The following PDE1C variants were observed in gnomAD, a reference collection of about 807,000 sequenced individuals.
PDE1C encodes phosphodiesterase 1C.
A neutral mutation model predicts 93.1 loss-of-function variants in PDE1C; 62 were observed. That is an observed-to-expected ratio of 0.67 (90% confidence interval 0.54 to 0.82). The LOEUF is 0.82. Among genes scored for constraint, PDE1C ranks in the 40% least tolerant of loss-of-function variants. The pLI is 0.00. For missense variants in PDE1C, 742 were observed against 884.6 expected (o/e 0.84, Z 2.04); for synonymous variants, 325 against 310.1 (o/e 1.05, Z -0.50).
chr7:32,037,734 A>T (rs1791297190), intron 2 of PDE1C, among the ~76,000 whole-genome samples: 1 of 152,110 alleles, frequency 6.6e-6, no homozygotes. Context: ...TATCTCTCCA[A>T]TTATGTCATT....
At chr7:32,346,515 G>A (rs1235932785) in intron 1 of PDE1C, among the ~76,000 whole-genome samples, 1 of 152,168 alleles carries the variant, frequency 6.6e-6, no homozygotes, top group Admixed American at 6.5e-5. Flanking sequence ...TGCCTGTAAG[G>A]GTCTACACTC....
At chr7:31,679,754 C>A in the PDE1C span, among the ~76,000 whole-genome samples, 141 of 152,300 alleles carry the variant, frequency 9.3e-4, 1 homozygote, top group African/African-American at 3.3e-3. Flanking sequence ...TAGCTGGCAT[C>A]AATTCCCTCG....
chr7:31,671,154 C>A, the PDE1C span, among the ~76,000 whole-genome samples: 1 of 152,172 alleles, frequency 6.6e-6, no homozygotes, highest in African/African-American at 2.4e-5. Flanking sequence ...CAAAAGGCTG[C>A]CACACTGACC....
At chr7:32,317,674 A>C (rs1427266954) in intron 1 of PDE1C, among the ~76,000 whole-genome samples, 1 of 152,146 alleles carries the variant, frequency 6.6e-6, no homozygotes, top group Non-Finnish European at 1.5e-5. Context: ...AACGCAGTAA[A>C]ATATTGACAT....
chr7:32,082,259 G>C (rs913000114), intron 3 of PDE1C, among the ~76,000 whole-genome samples: 1 of 152,250 alleles, frequency 6.6e-6, no homozygotes, highest in Non-Finnish European at 1.5e-5. Context: ...CTCGCTGATT[G>C]CTAGCACAGC....
the PDE1C span, among the ~76,000 whole-genome samples, chr7:31,626,643 A>ACC: frequency 6.6e-6 from 1 of 152,182 alleles, no homozygotes; most frequent in East Asian, 1.9e-4. Context: ...TGTCGGTGAC[A>ACC]CCATGCTGTA....
chr7:31,890,043 C>T (rs1446671304), intron 2 of PDE1C, among the ~76,000 whole-genome samples: 1 of 152,068 alleles, frequency 6.6e-6, no homozygotes, highest in African/African-American at 2.4e-5. Flanking sequence ...TGAAGGTAAA[C>T]ATTCTCTCTC....
chr7:32,398,387 T>A (rs1379519911), intron 1 of PDE1C, among the ~76,000 whole-genome samples: 2 of 151,554 alleles, frequency 1.3e-5, no homozygotes, highest in African/African-American at 2.4e-5. Context: ...TGGTAGGAAC[T>A]GTGATTTTTT....
At chr7:32,205,425 T>C (rs951806060) in intron 2 of PDE1C, among the ~76,000 whole-genome samples, 7 of 152,206 alleles carry the variant, frequency 4.6e-5, no homozygotes, top group Non-Finnish European at 1.0e-4. Context: ...CAATCAGTGC[T>C]CTGTGTCTGG....
At chr7:32,157,758 GGATA>G (rs1801670404) in intron 3 of PDE1C, among the ~76,000 whole-genome samples, 1 of 152,146 alleles carries the variant, frequency 6.6e-6, no homozygotes, top group African/African-American at 2.4e-5. Flanking sequence ...GGGGAAAAAT[GGATA>G]GATAGATGAT....
chr7:31,670,682 T>G, the PDE1C span, among the ~76,000 whole-genome samples: 4 of 152,144 alleles, frequency 2.6e-5, no homozygotes, highest in Non-Finnish European at 5.9e-5. Context: ...GGCAGGCAAA[T>G]TCTGGGCAGA....
At chr7:31,664,038 C>T in the PDE1C span, among the ~76,000 whole-genome samples, 1 of 152,126 alleles carries the variant, frequency 6.6e-6, no homozygotes, top group East Asian at 1.9e-4. Context: ...GAAACAGAAG[C>T]TTACAGAGAT....
intron 2 of PDE1C, among the ~76,000 whole-genome samples, chr7:32,186,126 C>T (rs1375259671): frequency 1.5e-5 from 2 of 136,648 alleles, no homozygotes; most frequent in African/African-American, 2.8e-5. Context: ...GACGGAGTCT[C>T]GCTCTGTCGC....
chr7:32,070,085 C>CA (rs1795852337), intron 1 of PDE1C, among the ~76,000 whole-genome samples: 1 of 152,152 alleles, frequency 6.6e-6, no homozygotes, highest in South Asian at 2.1e-4. Context: ...CTTGGAACAG[C>CA]AAGGCATTCT....
At chr7:31,655,877 G>C in the PDE1C span, 1 of 985,436 alleles carries the variant, frequency 1.0e-6, no homozygotes, top group South Asian at 4.7e-5. Flanking sequence ...GAATGAAGAG[G>C]AACACCTGGC....
chr7:32,109,026 G>A (rs1798500568), intron 3 of PDE1C, among the ~76,000 whole-genome samples: 1 of 152,030 alleles, frequency 6.6e-6, no homozygotes, highest in East Asian at 1.9e-4. Flanking sequence ...GCATAAAATT[G>A]GCCACAAATA....
At chr7:32,204,131 G>A (rs1230137544) in intron 2 of PDE1C, among the ~76,000 whole-genome samples, 1 of 151,866 alleles carries the variant, frequency 6.6e-6, no homozygotes, top group Non-Finnish European at 1.5e-5. Context: ...GGGCCCCTAA[G>A]TCACTAACGT....
intron 2 of PDE1C, among the ~76,000 whole-genome samples, chr7:32,021,026 A>T (rs1788593040): frequency 6.6e-6 from 1 of 152,096 alleles, no homozygotes; most frequent in Non-Finnish European, 1.5e-5. Context: ...GTAGCTACAT[A>T]AGTGACTTTT....
chr7:31,904,655 G>GA (rs917235988), intron 2 of PDE1C, among the ~76,000 whole-genome samples: 118 of 142,682 alleles, frequency 8.3e-4, no homozygotes, highest in South Asian at 1.5e-3. Flanking sequence ...TTTCTCTAAA[G>GA]AAAAAAAAAA....
Sources: allele counts gnomAD v4.1 joint callset (sites outside exome capture counted in the v4.1 genomes callset), GRCh38; gene constraint gnomAD v4.1.1; transcripts MANE v1.5; gene names NCBI Gene and HGNC (gene_info 2026-07-23, HGNC 2026-07-21).